YPEL2: variants seen among roughly 807,000 people sequenced by gnomAD.
YPEL2 encodes yippee like 2, also known as protein yippee-like 2.
In YPEL2, 2 loss-of-function variants were observed where a neutral mutation model predicts 19.1. The observed-to-expected ratio is 0.10, with a 90% CI of 0.04 to 0.33. The LOEUF (loss-of-function observed/expected upper bound fraction) is 0.33, where lower values mean the gene tolerates loss of function less well. YPEL2 is among the 10% of genes least tolerant of loss of function. YPEL2 has a pLI of 1.00. For synonymous variants in YPEL2, 52 were observed against 50.0 expected (o/e 1.04, Z -0.17); for missense variants, 66 against 140.7 (o/e 0.47, Z 2.68).
At chr17:59,379,163 G>A (rs1248970058) in intron 2 of YPEL2, among the ~76,000 whole-genome samples, 1 of 152,146 alleles carries the variant, frequency 6.6e-6, no homozygotes, top group African/African-American at 2.4e-5. Flanking sequence ...GCTTCTTTAA[G>A]TTGCACTCGG....
intron 2 of YPEL2, among the ~76,000 whole-genome samples, chr17:59,369,644 C>T (rs1332647538): frequency 6.6e-6 from 1 of 152,220 alleles, no homozygotes; most frequent in African/African-American, 2.4e-5. Context: ...CTGTCCCGGT[C>T]TGATGTAACC....
chr17:59,353,343 G>C lies in YPEL2; in HGVS notation c.-67G>C. 1 of 1,209,646 alleles carries C rather than the reference G, an allele frequency of 8.3e-7. No individual in the cohort carries two copies. Among genetic ancestry groups the C allele is most frequent in the Non-Finnish European group, 1.2e-6 (1 of 850,820 alleles). 74.9% of individuals were successfully genotyped at this position (1,209,646 alleles called of 1,614,324 possible). A position where few individuals can be genotyped will look rare whatever the true frequency, so the allele number is the denominator to read the frequency against. ...TTACCTGTGTCTTCCGGTGTTTCCC[G>C]TGCGACCCATCCTGTGGGAGTGCCT... On this transcript the variant is annotated 5_prime_UTR_variant, in exon 2 of 5. Coordinates refer to ENST00000312655, the MANE Select transcript of YPEL2 (RefSeq NM_001005404.4). The surrounding 1 kb of genome is among the most constrained non-coding windows in gnomAD (Gnocchi z 4.8).
rs763749672 is a variant in YPEL2, at chr17:59,389,353, G to A, written c.162-7G>A. 1.9e-6 allele frequency: 3 copies of A among 1,612,710 alleles called. No homozygotes were observed. The highest frequency in any genetic ancestry group is 1.1e-5 in the South Asian group (1 of 90,926). The stretch of plus-strand genomic sequence containing the variant: ...TACCCACTCTCTCTTCTTGTGCCTC[G>A]ACATAGAGTTAATGTGGGCTGTGGG... On this transcript the variant is annotated splice_polypyrimidine_tract_variant and splice_region_variant and intron_variant, in intron 3 of 4. Transcript: ENST00000312655.
intron 4 of YPEL2, among the ~76,000 whole-genome samples, chr17:59,395,210 C>G (rs572483236): frequency 7.6e-6 from 1 of 131,042 alleles, no homozygotes; most frequent in African/African-American, 3.4e-5. Flanking sequence ...TGTGTATACA[C>G]GCATGTGTGC....
intron 1 of YPEL2, among the ~76,000 whole-genome samples, chr17:59,343,621 TA>T (rs2047742316): frequency 6.6e-6 from 1 of 152,054 alleles, no homozygotes. Flanking sequence ...GGAGCTGGAA[TA>T]ATGTAAGGAG....
chr17:59,369,521 G>A (rs2047886447), intron 2 of YPEL2, among the ~76,000 whole-genome samples: 1 of 152,242 alleles, frequency 6.6e-6, no homozygotes, highest in Non-Finnish European at 1.5e-5. Flanking sequence ...GAGTTGTACA[G>A]TACAGGGTCA....
At chr17:59,391,051 A>G (rs2048005023) in intron 4 of YPEL2, among the ~76,000 whole-genome samples, 1 of 152,196 alleles carries the variant, frequency 6.6e-6, no homozygotes, top group Admixed American at 6.5e-5. Context: ...GCACGTGTAC[A>G]TCCATGCATT....
intron 2 of YPEL2, among the ~76,000 whole-genome samples, chr17:59,356,766 G>C (rs757688721): frequency 6.6e-6 from 1 of 152,212 alleles, no homozygotes; most frequent in African/African-American, 2.4e-5. Flanking sequence ...ATTCAGTCTG[G>C]TGAGGGCCTG....
intron 2 of YPEL2, among the ~76,000 whole-genome samples, chr17:59,382,448 A>G (rs911178930): frequency 6.6e-6 from 1 of 152,224 alleles, no homozygotes; most frequent in Admixed American, 6.5e-5. Context: ...CCCAGCCTGG[A>G]AGCAGACAGA....
intron 1 of YPEL2, among the ~76,000 whole-genome samples, chr17:59,342,397 T>G (rs1425795482): frequency 3.3e-5 from 5 of 152,216 alleles, no homozygotes; most frequent in Non-Finnish European, 7.3e-5. Flanking sequence ...TAGGGGAGCC[T>G]GACTTAGTTG....
At chr17:59,348,044 A>G (rs998899976) in intron 1 of YPEL2, among the ~76,000 whole-genome samples, 1 of 152,144 alleles carries the variant, frequency 6.6e-6, no homozygotes, top group East Asian at 1.9e-4. Flanking sequence ...AGATCATCTC[A>G]CTTAACACCT....
chr17:59,358,593 T>G (rs1437448294), intron 2 of YPEL2, among the ~76,000 whole-genome samples: 1 of 152,028 alleles, frequency 6.6e-6, no homozygotes, highest in Non-Finnish European at 1.5e-5. Context: ...TTTGTGGTTT[T>G]TTTTTTGGTT....
chr17:59,378,735 G>A (rs865829901), intron 2 of YPEL2, among the ~76,000 whole-genome samples: 1 of 152,126 alleles, frequency 6.6e-6, no homozygotes, highest in Admixed American at 6.6e-5. Flanking sequence ...CATGCTCTTG[G>A]AATTTTATGA....
In YPEL2 at chr17:59,337,485, G is replaced by A. The variant is rs116506714; in HGVS notation, c.-196+5661G>A. On this transcript the variant is annotated intron_variant, in intron 1 of 4. Coordinates refer to ENST00000312655, the MANE Select transcript of YPEL2 (RefSeq NM_001005404.4). Reference sequence around the variant, plus strand: ...ATTACAAGCGTGAGCCACCGCGCCCGGCCGGGAGAAATTCTTTTAGAACCT... The same window carrying A: ...ATTACAAGCGTGAGCCACCGCGCCCAGCCGGGAGAAATTCTTTTAGAACCT... 2.8e-3 allele frequency among the ~76,000 whole-genome samples: 423 copies of A among 152,170 alleles called. 3 individuals carry two copies. The highest frequency in any genetic ancestry group is 9.5e-3 in the African/African-American group (393 of 41,522).
At position 59,388,248 on chromosome 17, in the gene YPEL2, T is replaced by C. The variant is rs138153106; in HGVS notation, c.118-79T>C. 2.2e-4 allele frequency: 308 copies of C among 1,407,340 alleles called. 1 individual carries two copies. The East Asian group carries it at 6.1e-3, about 28-fold the overall frequency. 87.2% of individuals were successfully genotyped at this position (1,407,340 alleles called of 1,614,324 possible). A position where few individuals can be genotyped will look rare whatever the true frequency, so the allele number is the denominator to read the frequency against. ...TGTGTCAGTCCTGGAAGGTCATGCT[T>C]AACTGTGATTGGGGTTGGTTTCCCA... On this transcript the variant is annotated intron_variant, in intron 2 of 4. Transcript: ENST00000312655.
intron 2 of YPEL2, among the ~76,000 whole-genome samples, chr17:59,382,589 A>G (rs781522436): frequency 1.6e-4 from 24 of 152,262 alleles, no homozygotes; most frequent in South Asian, 4.1e-4. Flanking sequence ...TAATATGTAC[A>G]TTGTAAGCAT....
intron 2 of YPEL2, among the ~76,000 whole-genome samples, chr17:59,376,871 C>T (rs960065345): frequency 1.4e-5 from 2 of 141,982 alleles, no homozygotes; most frequent in Non-Finnish European, 3.0e-5. Flanking sequence ...ATCACTTGAA[C>T]CTGGGAGGCA....
At position 59,400,962 on chromosome 17, in the gene YPEL2, GT is replaced by G. The variant is rs2048068115; in HGVS notation, c.*3777del. The G allele has an allele frequency of 6.5e-6, 1 of 152,702 alleles. No individual in the cohort carries two copies. Among genetic ancestry groups the G allele is most frequent in the Non-Finnish European group, 1.5e-5 (1 of 68,022 alleles). The allele number at this position is 152,702 out of a possible 1,614,324, so 9.5% of individuals were successfully genotyped here. A position where few individuals can be genotyped will look rare whatever the true frequency, so the allele number is the denominator to read the frequency against. ...TCCTTTTTCTTGCTTTGCGTGCTCAGTTTTTACAGACTGTAAAGGAGATGTG... is the reference window on the plus strand; with the variant it reads ...TCCTTTTTCTTGCTTTGCGTGCTCAGTTTTACAGACTGTAAAGGAGATGTG... On this transcript the variant is annotated 3_prime_UTR_variant, in exon 5 of 5. Coordinates refer to ENST00000312655, the MANE Select transcript of YPEL2 (RefSeq NM_001005404.4).
At chr17:59,382,768 G>C (rs2047956248) in intron 2 of YPEL2, among the ~76,000 whole-genome samples, 1 of 152,160 alleles carries the variant, frequency 6.6e-6, no homozygotes, top group Non-Finnish European at 1.5e-5. Flanking sequence ...TGAGAGGGTT[G>C]TTCTTGAAAA....
Sources: allele counts gnomAD v4.1 joint callset (sites outside exome capture counted in the v4.1 genomes callset), GRCh38; gene constraint gnomAD v4.1.1; non-coding constraint Gnocchi (gnomAD v3.1); transcripts MANE v1.5; gene names NCBI Gene and HGNC (gene_info 2026-07-23, HGNC 2026-07-21).